ZMYND8: variants seen among roughly 807,000 people sequenced by gnomAD.
ZMYND8 encodes zinc finger MYND-type containing 8, also known as MYND-type zinc finger-containing chromatin reader ZMYND8.
Under a neutral mutation model 140.8 loss-of-function variants are expected in ZMYND8, and 37 were observed. That is an observed-to-expected ratio of 0.26 (90% CI 0.20 to 0.35). The LOEUF (loss-of-function observed/expected upper bound fraction) is 0.35. Among genes scored for constraint, ZMYND8 ranks in the 10% least tolerant of loss-of-function variants. The pLI is 1.00. For synonymous variants in ZMYND8, 592 were observed against 597.1 expected (o/e 0.99, Z 0.12); for missense variants, 1,068 against 1,570.0 (o/e 0.68, Z 5.40).
Position 47,213,040 on chromosome 20 carries a change from T to C in ZMYND8, c.3485-315A>G, listed in dbSNP as rs75102640. ...TCAACCACTAGCTCTGCCAATAGCC[T>C]AATTCAACCATGGGAAACGGAGGCA... On this transcript the variant is annotated intron_variant, in intron 21 of 22. Transcript: ENST00000471951. Among the ~76,000 whole-genome samples the C allele has an allele frequency of 4.9e-3, 749 of 152,328 alleles. 7 individuals carry two copies. The highest frequency in any genetic ancestry group is 8.8e-3 in the Non-Finnish European group (599 of 68,030).
chr20:47,285,286 C>G (rs926772171), intron 8 of ZMYND8, among the ~76,000 whole-genome samples: 1 of 152,188 alleles, frequency 6.6e-6, no homozygotes, highest in African/African-American at 2.4e-5. Context: ...CAAGGTGCCA[C>G]ATATTTAACA....
At chr20:47,307,682 G>T (rs1451595576) in intron 3 of ZMYND8, among the ~76,000 whole-genome samples, 1 of 150,994 alleles carries the variant, frequency 6.6e-6, no homozygotes, top group Non-Finnish European at 1.5e-5. Flanking sequence ...ACAAAACTTA[G>T]CAGGGCGTGG....
chr20:47,222,541 A>T (rs532470784), intron 19 of ZMYND8, among the ~76,000 whole-genome samples: 1 of 151,634 alleles, frequency 6.6e-6, no homozygotes, highest in Non-Finnish European at 1.5e-5. Flanking sequence ...GTCTCAACGA[A>T]AAAAAAAAGG....
At chr20:47,331,455 C>T (rs938854403) in intron 2 of ZMYND8, among the ~76,000 whole-genome samples, 1 of 152,158 alleles carries the variant, frequency 6.6e-6, no homozygotes, top group Non-Finnish European at 1.5e-5. Context: ...GAGTTTGAGA[C>T]GCCCATGAAC....
At chr20:47,272,662 T>A (rs1449026970) in intron 11 of ZMYND8, among the ~76,000 whole-genome samples, 1 of 152,192 alleles carries the variant, frequency 6.6e-6, no homozygotes, top group Admixed American at 6.5e-5. Context: ...GCAAAGTGCT[T>A]CTTAGAAAGC....
chr20:47,297,912 T>C (rs909752467), intron 4 of ZMYND8, among the ~76,000 whole-genome samples: 9 of 152,066 alleles, frequency 5.9e-5, no homozygotes, highest in Non-Finnish European at 2.9e-5. Flanking sequence ...ACAGGAGGCA[T>C]ACACACTGCC....
intron 21 of ZMYND8, among the ~76,000 whole-genome samples, chr20:47,215,048 C>CT (rs930498285): frequency 6.6e-6 from 1 of 152,142 alleles, no homozygotes; most frequent in Non-Finnish European, 1.5e-5. Context: ...AGGCAAGATC[C>CT]TGTCTCTTAG....
At chr20:47,246,590 T>G in intron 13 of ZMYND8, 73 bp from the exon 14 acceptor site, 1 of 1,504,158 alleles carries the variant, frequency 6.6e-7, no homozygotes. Context: ...TGCAAACATT[T>G]TTCCACACCA....
intron 2 of ZMYND8, among the ~76,000 whole-genome samples, chr20:47,330,543 G>A (rs763633943): frequency 2.0e-5 from 3 of 151,978 alleles, no homozygotes; most frequent in Non-Finnish European, 2.9e-5. Context: ...TTAAAGGAGA[G>A]TGGGACAATC....
intron 18 of ZMYND8, among the ~76,000 whole-genome samples, chr20:47,226,761 G>C (rs144817069): frequency 1.2e-3 from 184 of 152,318 alleles, no homozygotes; most frequent in African/African-American, 3.8e-3. Flanking sequence ...TCAGGCTCAA[G>C]TGATCCTCCT....
chr20:47,345,178 T>A (rs1474031377), intron 2 of ZMYND8, among the ~76,000 whole-genome samples: 1 of 152,008 alleles, frequency 6.6e-6, no homozygotes, highest in East Asian at 1.9e-4. Flanking sequence ...CAGAAAATAA[T>A]GAAATGACTC....
chr20:47,350,341 A>C (rs1466205728), intron 1 of ZMYND8, among the ~76,000 whole-genome samples: 4 of 151,372 alleles, frequency 2.6e-5, no homozygotes, highest in Non-Finnish European at 5.9e-5. Flanking sequence ...AAAAAAAAAA[A>C]AAAAAAAAAA....
chr20:47,223,539 T>C (rs1025778359), intron 19 of ZMYND8, among the ~76,000 whole-genome samples: 1 of 150,678 alleles, frequency 6.6e-6, no homozygotes, highest in African/African-American at 2.4e-5. Flanking sequence ...TAAAATATTA[T>C]TGATGCCAGG....
intron 2 of ZMYND8, among the ~76,000 whole-genome samples, chr20:47,337,252 TGA>T (rs2081457690): frequency 6.6e-6 from 1 of 152,008 alleles, no homozygotes; most frequent in African/African-American, 2.4e-5. Context: ...CACCGGAGGC[TGA>T]GACACGAGAA....
intron 20 of ZMYND8, among the ~76,000 whole-genome samples, chr20:47,220,777 TAC>T (rs2036829110): frequency 6.6e-6 from 1 of 152,134 alleles, no homozygotes; most frequent in Admixed American, 6.5e-5. Flanking sequence ...GAAATAGATA[TAC>T]AGTGACTAAA....
intron 16 of ZMYND8, among the ~76,000 whole-genome samples, chr20:47,236,021 G>A (rs2039187029): frequency 6.6e-6 from 1 of 152,208 alleles, no homozygotes; most frequent in Non-Finnish European, 1.5e-5. Context: ...TGAAGGATCA[G>A]TCATGTGTTC....
intron 2 of ZMYND8, among the ~76,000 whole-genome samples, chr20:47,337,035 A>G (rs958828711): frequency 1.1e-5 from 1 of 89,750 alleles, no homozygotes; most frequent in Non-Finnish European, 1.9e-5. Flanking sequence ...CACTCTTATC[A>G]AAAAAAAAAA....
At chr20:47,230,684 GTA>G (rs2038353851) in intron 16 of ZMYND8, among the ~76,000 whole-genome samples, 1 of 152,086 alleles carries the variant, frequency 6.6e-6, no homozygotes. Flanking sequence ...CTTTATTGAG[GTA>G]TATGCATATA....
chr20:47,256,180 A>T (rs117764255), intron 12 of ZMYND8, among the ~76,000 whole-genome samples: 2 of 151,746 alleles, frequency 1.3e-5, no homozygotes, highest in Non-Finnish European at 2.9e-5. Flanking sequence ...AATATCACTT[A>T]GACAAAAGAC....
Sources: allele counts gnomAD v4.1 joint callset (sites outside exome capture counted in the v4.1 genomes callset), GRCh38; gene constraint gnomAD v4.1.1; transcripts MANE v1.5; gene names NCBI Gene and HGNC (gene_info 2026-07-23, HGNC 2026-07-21).